The following SCLT1 variants were observed in gnomAD, a reference collection of about 807,000 sequenced individuals.
The protein encoded by SCLT1 is sodium channel and clathrin linker 1.
In SCLT1, 78 loss-of-function variants were observed where a neutral mutation model predicts 112.8. The observed-to-expected ratio is 0.69, with a 90% CI of 0.58 to 0.83. The LOEUF (loss-of-function observed/expected upper bound fraction) is 0.83. Ranked by LOEUF, SCLT1 falls within the 40% of genes least tolerant of loss-of-function variation. The pLI is 0.00. For synonymous variants in SCLT1, 257 were observed against 254.7 expected, an observed-to-expected ratio of 1.01 and a Z score of -0.09; for missense variants, 747 against 770.4, an observed-to-expected ratio of 0.97 and a Z score of 0.36.
At chr4:128,899,780 T>C (rs1056907682) in intron 18 of SCLT1, among the ~76,000 whole-genome samples, 6 of 152,198 alleles carry the variant, frequency 3.9e-5, no homozygotes, top group African/African-American at 1.2e-4. Flanking sequence ...AAAACCCCAC[T>C]GTCTCAGCCC....
intron 5 of SCLT1, among the ~76,000 whole-genome samples, chr4:129,026,186 T>C (rs1386318746): frequency 6.6e-6 from 1 of 152,118 alleles, no homozygotes; most frequent in Non-Finnish European, 1.5e-5. Context: ...AACTCAGCTC[T>C]GCACCAAGCA....
intron 12 of SCLT1, among the ~76,000 whole-genome samples, chr4:128,959,081 G>A (rs1004327084): frequency 6.6e-6 from 1 of 152,118 alleles, no homozygotes; most frequent in Non-Finnish European, 1.5e-5. Flanking sequence ...CATTCATAGG[G>A]AAGCAGTATA....
chr4:128,960,923 T>C (rs1739655972), intron 11 of SCLT1, among the ~76,000 whole-genome samples: 2 of 47,356 alleles, frequency 4.2e-5, no homozygotes, highest in African/African-American at 1.6e-4. Context: ...CGAGACTCCG[T>C]CTCAAAAAAA....
chr4:128,899,580 C>T (rs1160597724), intron 18 of SCLT1, among the ~76,000 whole-genome samples: 1 of 152,124 alleles, frequency 6.6e-6, no homozygotes, highest in Admixed American at 6.5e-5. Flanking sequence ...ACTGAATGGG[C>T]AAAAACTGGA....
At chr4:129,051,030 G>C (rs1748737178) in intron 2 of SCLT1, among the ~76,000 whole-genome samples, 1 of 138,548 alleles carries the variant, frequency 7.2e-6, no homozygotes, top group Non-Finnish European at 1.6e-5. Context: ...AGATCAGATG[G>C]TTGTAGATGT....
chr4:128,989,289 A>G (rs1336989384), intron 9 of SCLT1, among the ~76,000 whole-genome samples: 1 of 151,966 alleles, frequency 6.6e-6, no homozygotes, highest in Non-Finnish European at 1.5e-5. Context: ...TTTTCTGACT[A>G]CAAAGGAATA....
chr4:129,041,183 C>T (rs992816133), intron 4 of SCLT1, among the ~76,000 whole-genome samples: 1 of 152,070 alleles, frequency 6.6e-6, no homozygotes, highest in African/African-American at 2.4e-5. Flanking sequence ...ATCATTTGTG[C>T]AAAAGAGAGC....
chr4:128,915,536 G>A (rs1735407717), intron 18 of SCLT1, among the ~76,000 whole-genome samples: 1 of 152,248 alleles, frequency 6.6e-6, no homozygotes, highest in Admixed American at 6.5e-5. Context: ...TACAGCAGTG[G>A]TACAATTATG....
At chr4:128,974,384 A>AGCCAGGCTAGGCTATGTGATCAGTGTGCG (rs1340156455) in intron 9 of SCLT1, among the ~76,000 whole-genome samples, 1 of 151,802 alleles carries the variant, frequency 6.6e-6, no homozygotes, top group Non-Finnish European at 1.5e-5. Context: ...ATAACTAGAT[A>AGCCAGGCTAGGCTATGTGATCAGTGTGCG]GCCAGGCTAG....
rs1560794298 is a variant in SCLT1 at position 128,877,727 on chromosome 4, C to T, written n.226-1091G>A. The stretch of plus-strand genomic sequence containing the variant: ...AAAGTAGTTAGCATATTTAGGACTA[C>T]ACGTGTAAACTTCAGTTAAATGAAT... On this transcript the variant is annotated intron_variant and non_coding_transcript_variant, in intron 3 of 7. Transcript: ENST00000503565. 2.0e-5 allele frequency among the ~76,000 whole-genome samples: 3 copies of T among 151,384 alleles called. No individual in the cohort carries two copies. In the South Asian group the frequency reaches 6.2e-4, roughly 31 times the overall value.
intron 9 of SCLT1, among the ~76,000 whole-genome samples, chr4:128,987,868 A>C (rs946127601): frequency 1.3e-5 from 2 of 152,214 alleles, no homozygotes; most frequent in African/African-American, 4.8e-5. Context: ...AAGACAAATA[A>C]GACTACTTCA....
At chr4:128,977,102 G>A (rs1186743428) in intron 9 of SCLT1, among the ~76,000 whole-genome samples, 10 of 152,178 alleles carry the variant, frequency 6.6e-5, no homozygotes, top group African/African-American at 2.2e-4. Flanking sequence ...CAAGAGGGAG[G>A]AAAAGTCTAA....
intron 18 of SCLT1, among the ~76,000 whole-genome samples, chr4:128,916,356 TA>T (rs2125954078): frequency 6.6e-6 from 1 of 152,338 alleles, no homozygotes; most frequent in South Asian, 2.1e-4. Context: ...AAAATGACAT[TA>T]AACCAAATTG....
chr4:128,883,380 C>T (rs2125917650), downstream of SCLT1, among the ~76,000 whole-genome samples: 1 of 152,014 alleles, frequency 6.6e-6, no homozygotes, highest in South Asian at 2.1e-4. Context: ...ACGCAGAAGA[C>T]TCCTATCACA....
chr4:129,072,704 T>C (rs1008480361), intron 2 of SCLT1, among the ~76,000 whole-genome samples: 4 of 152,186 alleles, frequency 2.6e-5, no homozygotes, highest in Non-Finnish European at 4.4e-5. Flanking sequence ...CTCCCTTCAC[T>C]TCTTGTCTCA....
chr4:128,890,270 C>T (rs1337875638), intron 19 of SCLT1, among the ~76,000 whole-genome samples: 1 of 152,112 alleles, frequency 6.6e-6, no homozygotes, highest in African/African-American at 2.4e-5. Flanking sequence ...ATTTTGGTTG[C>T]TTTTGATCTT....
chr4:128,891,370 T>C (rs1733306317), intron 18 of SCLT1, among the ~76,000 whole-genome samples: 1 of 152,170 alleles, frequency 6.6e-6, no homozygotes, highest in South Asian at 2.1e-4. Flanking sequence ...CACTATTGGA[T>C]TGTACACTTA....
Position 129,093,304 on chromosome 4 carries a change from C to A in SCLT1, c.-201G>T. ...CCGCGCCCCAGACGAGTCCCTGGCC[C>A]TGGTGAGAGACTGAAGATTGCTGGG... On this transcript the variant is annotated 5_prime_UTR_variant, in exon 1 of 21. The change creates a new upstream start codon in the 5' untranslated region. Transcript: ENST00000281142. 1 of 604,394 alleles carries A rather than the reference C, an allele frequency of 1.7e-6. No homozygotes were observed. The allele number at this position is 604,394 out of a possible 1,614,324, so 37.4% of individuals were successfully genotyped here. A position where few individuals can be genotyped will look rare whatever the true frequency, so the allele number is the denominator to read the frequency against.
intron 3 of SCLT1, chr4:128,876,681 C>G (rs556606100): frequency 6.6e-6 from 1 of 152,218 alleles, no homozygotes; most frequent in Non-Finnish European, 1.5e-5. Context: ...ATGGTATCTA[C>G]TTCCTTCACT....
Sources: allele counts gnomAD v4.1 joint callset (sites outside exome capture counted in the v4.1 genomes callset), GRCh38; gene constraint gnomAD v4.1.1; transcripts MANE v1.5; gene names NCBI Gene and HGNC (gene_info 2026-07-23, HGNC 2026-07-21).